The following SGCD variants were observed in gnomAD, a reference collection of about 807,000 sequenced individuals.
SGCD encodes the protein delta-sarcoglycan.
In SGCD, 18 loss-of-function variants were observed where a neutral mutation model predicts 36.6. That is an observed-to-expected ratio of 0.49 (90% CI 0.34 to 0.73). The LOEUF is 0.73. SGCD is among the 30% of genes least tolerant of loss of function. SGCD has a pLI of 0.01. For missense variants in SGCD, 387 were observed against 346.7 expected (o/e 1.12, Z -0.92); for synonymous variants, 133 against 130.6 (o/e 1.02, Z -0.12).
intron 6 of SGCD, among the ~76,000 whole-genome samples, chr5:156,636,070 G>A (rs1053232459): frequency 2.0e-5 from 3 of 152,090 alleles, no homozygotes; most frequent in African/African-American, 7.2e-5. Context: ...GCAGGACACA[G>A]GGACTCATCA....
chr5:155,965,520 C>T (rs1008074272), intron 1 of SGCD, among the ~76,000 whole-genome samples: 1 of 152,116 alleles, frequency 6.6e-6, no homozygotes, highest in African/African-American at 2.4e-5. Flanking sequence ...CTGACTAACT[C>T]AGCATTACAC....
At chr5:155,942,861 T>A (rs1484604540) in intron 1 of SGCD, among the ~76,000 whole-genome samples, 1 of 152,214 alleles carries the variant, frequency 6.6e-6, no homozygotes, top group Non-Finnish European at 1.5e-5. Context: ...CAGCAAGGAT[T>A]TTAAAACAGG....
intron 1 of SGCD, among the ~76,000 whole-genome samples, chr5:155,886,480 A>ATGTGTGTG (rs796741485): frequency 7.9e-5 from 12 of 151,146 alleles, no homozygotes; most frequent in African/African-American, 2.9e-4. Context: ...TTGCAGAGGA[A>ATGTGTGTG]TGTGTGTGTG....
intron 1 of SGCD, among the ~76,000 whole-genome samples, chr5:155,945,127 G>A (rs1214118283): frequency 1.3e-5 from 2 of 152,152 alleles, no homozygotes; most frequent in Non-Finnish European, 2.9e-5. Context: ...AGTTAGAACT[G>A]TCTACAAATG....
chr5:156,731,792 C>A (rs1000248988), intron 7 of SGCD, among the ~76,000 whole-genome samples: 4 of 152,098 alleles, frequency 2.6e-5, no homozygotes, highest in Non-Finnish European at 5.9e-5. Context: ...AATATTGATT[C>A]TTCCATGAGC....
At chr5:156,006,088 A>G (rs948863299) in intron 1 of SGCD, among the ~76,000 whole-genome samples, 2 of 152,192 alleles carry the variant, frequency 1.3e-5, no homozygotes, top group African/African-American at 4.8e-5. Flanking sequence ...TGCAGTTTGT[A>G]GGCATTAGCC....
At chr5:156,577,320 G>C (rs1368560867) in intron 4 of SGCD, among the ~76,000 whole-genome samples, 1 of 152,132 alleles carries the variant, frequency 6.6e-6, no homozygotes, top group Non-Finnish European at 1.5e-5. Context: ...GGTTGCTGTA[G>C]CCTTGTGGAA....
At chr5:156,343,502 G>A (rs1251026027) in intron 2 of SGCD, among the ~76,000 whole-genome samples, 1 of 152,164 alleles carries the variant, frequency 6.6e-6, no homozygotes, top group Non-Finnish European at 1.5e-5. Context: ...CAGTTTGAGT[G>A]ATAGGCATTT....
chr5:156,717,205 C>T (rs1378546151), intron 7 of SGCD, among the ~76,000 whole-genome samples: 1 of 152,170 alleles, frequency 6.6e-6, no homozygotes, highest in Non-Finnish European at 1.5e-5. Context: ...TAGGATGCCT[C>T]AAAGAGAGAG....
chr5:156,340,665 T>C (rs1335934221), intron 2 of SGCD, among the ~76,000 whole-genome samples: 3 of 152,186 alleles, frequency 2.0e-5, no homozygotes, highest in Non-Finnish European at 2.9e-5. Context: ...TGTTATAAAA[T>C]TGTATGACTA....
chr5:156,420,194 A>G (rs1388634457), intron 3 of SGCD, among the ~76,000 whole-genome samples: 3 of 152,118 alleles, frequency 2.0e-5, no homozygotes, highest in Non-Finnish European at 4.4e-5. Flanking sequence ...AATATTATCT[A>G]TATCCAACTG....
intron 4 of SGCD, among the ~76,000 whole-genome samples, chr5:156,543,238 AC>A (rs1361706731): frequency 6.6e-6 from 1 of 152,006 alleles, no homozygotes; most frequent in Non-Finnish European, 1.5e-5. Context: ...TGCCAGTAGT[AC>A]CCCCCATATA....
At chr5:156,248,051 A>G (rs1765481517) in intron 3 of SGCD, among the ~76,000 whole-genome samples, 1 of 152,218 alleles carries the variant, frequency 6.6e-6, no homozygotes, top group Admixed American at 6.5e-5. Flanking sequence ...TTCCATGAGT[A>G]AATGTCTCTT....
At chr5:156,406,562 C>T (rs1157346555) in intron 3 of SGCD, among the ~76,000 whole-genome samples, 2 of 151,830 alleles carry the variant, frequency 1.3e-5, no homozygotes, top group Non-Finnish European at 2.9e-5. Context: ...CAAGTTTCAC[C>T]TCCACACAGC....
chr5:155,811,610 T>C, the SGCD span, among the ~76,000 whole-genome samples: 95 of 152,170 alleles, frequency 6.2e-4, no homozygotes, highest in South Asian at 6.2e-4. Flanking sequence ...TGTCAGTTCT[T>C]AGTTATTGCG....
intron 3 of SGCD, among the ~76,000 whole-genome samples, chr5:156,298,343 A>G (rs549995110): frequency 3.1e-4 from 47 of 152,066 alleles, no homozygotes; most frequent in Non-Finnish European, 5.9e-4. Context: ...CATCCATACT[A>G]TTCTTCAGAG....
rs1055372123 is a variant in SGCD at position 156,297,787 on chromosome 5, T to TA, written c.-43-31740dup. ...ATGTACCCTAAAACTTAAAGTATAA[T>TA]AAAAAAATAAATAAATAAATAAATA... On this transcript the variant is annotated intron_variant, in intron 3 of 9. Coordinates refer to the SGCD transcript ENST00000517913. Among the ~76,000 whole-genome samples, 9 of 131,592 alleles carry TA rather than the reference T, an allele frequency of 6.8e-5. No individual in the cohort carries two copies. The South Asian group carries it at 1.1e-3, about 16-fold the overall frequency. 86.3% of individuals were successfully genotyped at this position (131,592 alleles called of 152,430 possible). A position where few individuals can be genotyped will look rare whatever the true frequency, so the allele number is the denominator to read the frequency against.
chr5:155,788,216 C>T, the SGCD span, among the ~76,000 whole-genome samples: 2 of 152,032 alleles, frequency 1.3e-5, no homozygotes, highest in Non-Finnish European at 2.9e-5. Flanking sequence ...TTTTAATAAC[C>T]TTCTACTTCA....
intron 3 of SGCD, among the ~76,000 whole-genome samples, chr5:156,431,222 T>C (rs1056575281): frequency 6.6e-6 from 1 of 152,206 alleles, no homozygotes; most frequent in African/African-American, 2.4e-5. Flanking sequence ...CCTCTTTTCA[T>C]CTGTAGAAAT....
Sources: allele counts gnomAD v4.1 joint callset (sites outside exome capture counted in the v4.1 genomes callset), GRCh38; gene constraint gnomAD v4.1.1; transcripts MANE v1.5; gene names NCBI Gene and HGNC (gene_info 2026-07-23, HGNC 2026-07-21).